PCDH11X: variants seen among roughly 807,000 people sequenced by gnomAD.
PCDH11X encodes protocadherin-11 X-linked.
Under a neutral mutation model 53.3 loss-of-function variants are expected in PCDH11X, and 18 were observed. The observed-to-expected ratio is 0.34, with a 90% CI of 0.23 to 0.50. The LOEUF is 0.50. Among genes scored for constraint, PCDH11X ranks in the 20% least tolerant of loss-of-function variants. The pLI is 0.98. For missense variants in PCDH11X, 570 were observed against 1,032.4 expected (o/e 0.55, Z 6.14); for synonymous variants, 279 against 393.3 (o/e 0.71, Z 3.44).
chrX:91,886,990 AAG>A, intron 6 of PCDH11X, among the ~76,000 whole-genome samples: 2 of 104,281 alleles, frequency 1.9e-5, no homozygotes, highest in African/African-American at 7.2e-5. Context: ...AAAAAAAGAA[AAG>A]AAAAGAAAAG....
chrX:92,350,696 G>A (rs12849015), intron 8 of PCDH11X, among the ~76,000 whole-genome samples: 19 of 111,440 alleles, frequency 1.7e-4, no homozygotes, highest in African/African-American at 4.9e-4. Context: ...AGTTCTTGGA[G>A]CAAAAGTCCA....
At chrX:91,789,060 G>T (rs1303540439) in intron 1 of PCDH11X, among the ~76,000 whole-genome samples, 1 of 107,267 alleles carries the variant, frequency 9.3e-6, no homozygotes, top group African/African-American at 3.4e-5. Flanking sequence ...AAATTAGCTG[G>T]GCGTCTTGCT....
chrX:92,464,639 T>C (rs1440789561), intron 9 of PCDH11X, among the ~76,000 whole-genome samples: 1 of 111,003 alleles, frequency 9.0e-6, no homozygotes, highest in Non-Finnish European at 1.9e-5. Flanking sequence ...TTACACACAA[T>C]TTGAATAGAA....
At position 91,974,578 on chromosome X, in the gene PCDH11X, C is replaced by T. The variant is rs761676588; in HGVS notation, c.3033+95305C>T. Among the ~76,000 whole-genome samples the T allele has an allele frequency of 7.3e-3, 795 of 109,617 alleles. 9 individuals are homozygous for T. Among genetic ancestry groups the T allele is most frequent in the African/African-American group, 0.025 (767 of 30,166 alleles). On this transcript the variant is annotated intron_variant, in intron 6 of 10. Coordinates refer to ENST00000682573, the MANE Select transcript of PCDH11X (RefSeq NM_032968.5). ...CGTAAGGTGTTCAGTGTGGCTAAAG[C>T]AACTTGAACTAGGGGGCAGTGATAG...
intron 7 of PCDH11X, among the ~76,000 whole-genome samples, chrX:92,237,776 C>T (rs952317230): frequency 9.0e-6 from 1 of 111,214 alleles, no homozygotes; most frequent in Non-Finnish European, 1.9e-5. Context: ...GGTTTCTGCA[C>T]CCATATTTAA....
At chrX:92,183,520 C>T (rs773033659) in intron 6 of PCDH11X, among the ~76,000 whole-genome samples, 26 of 111,822 alleles carry the variant, frequency 2.3e-4, no homozygotes, top group Non-Finnish European at 3.8e-4. Flanking sequence ...GCCTCCCAGG[C>T]GTGAGCCACC....
chrX:92,383,558 G>A (rs1260465289), intron 8 of PCDH11X, among the ~76,000 whole-genome samples: 1 of 110,569 alleles, frequency 9.0e-6, no homozygotes, highest in Non-Finnish European at 1.9e-5. Flanking sequence ...TCCCACTTAA[G>A]AGTGACAACA....
intron 6 of PCDH11X, among the ~76,000 whole-genome samples, chrX:92,067,600 A>G (rs189768925): frequency 9.0e-6 from 1 of 111,208 alleles, no homozygotes; most frequent in Non-Finnish European, 1.9e-5. Context: ...CAGGAGAGAT[A>G]TTGGCCTGTA....
At chrX:92,341,853 A>G (rs1440325371) in intron 8 of PCDH11X, among the ~76,000 whole-genome samples, 1 of 112,242 alleles carries the variant, frequency 8.9e-6, no homozygotes, top group Non-Finnish European at 1.9e-5. Flanking sequence ...GAATTAAACT[A>G]AAGAGATTCT....
At chrX:92,148,648 T>G (rs1211930149) in intron 6 of PCDH11X, among the ~76,000 whole-genome samples, 1 of 109,730 alleles carries the variant, frequency 9.1e-6, no homozygotes, top group Non-Finnish European at 1.9e-5. Context: ...TTATTTTGTT[T>G]AAAATACTTG....
intron 6 of PCDH11X, among the ~76,000 whole-genome samples, chrX:92,005,575 T>C (rs1474849970): frequency 1.8e-5 from 2 of 112,110 alleles, no homozygotes; most frequent in African/African-American, 3.2e-5. Flanking sequence ...GAAAAGTTGT[T>C]GTAGTTATTA....
chrX:91,975,918 G>A (rs1489091728), intron 6 of PCDH11X, among the ~76,000 whole-genome samples: 1 of 110,984 alleles, frequency 9.0e-6, no homozygotes, highest in Non-Finnish European at 1.9e-5. Flanking sequence ...GACAGAGATG[G>A]GCTTTGAGAG....
intron 5 of PCDH11X, among the ~76,000 whole-genome samples, chrX:91,860,939 T>C: frequency 8.9e-6 from 1 of 111,771 alleles, no homozygotes; most frequent in Middle Eastern, 4.6e-3. Flanking sequence ...TTATTTTTAT[T>C]TTTTTGGTTG....
At chrX:92,581,700 G>T (rs1457487901) in intron 10 of PCDH11X, among the ~76,000 whole-genome samples, 1 of 112,084 alleles carries the variant, frequency 8.9e-6, no homozygotes, top group Non-Finnish European at 1.9e-5. Flanking sequence ...CGTGGGACAT[G>T]ACTTTGGTAT....
intron 8 of PCDH11X, among the ~76,000 whole-genome samples, chrX:92,294,307 G>C (rs1157586993): frequency 2.7e-5 from 3 of 109,903 alleles, no homozygotes; most frequent in East Asian, 5.9e-4. Context: ...ACGCCCAGCT[G>C]AAGTTTTGGA....
chrX:92,160,870 G>A (rs2065630735), intron 6 of PCDH11X, among the ~76,000 whole-genome samples: 1 of 110,054 alleles, frequency 9.1e-6, no homozygotes, highest in African/African-American at 3.3e-5. Context: ...GGCCATTCTT[G>A]CGGGAGTAAG....
chrX:91,846,414 G>A (rs1007869119), intron 5 of PCDH11X, among the ~76,000 whole-genome samples: 3 of 110,059 alleles, frequency 2.7e-5, no homozygotes, highest in African/African-American at 9.9e-5. Flanking sequence ...TCAGGAGATT[G>A]AGACCATCCT....
At chrX:92,564,347 CACTTCA>C (rs1921203521) in intron 10 of PCDH11X, among the ~76,000 whole-genome samples, 1 of 103,678 alleles carries the variant, frequency 9.6e-6, no homozygotes, top group Non-Finnish European at 2.0e-5. Context: ...ATGGAGGAAT[CACTTCA>C]CCTTGCTTCA....
chrX:92,314,198 T>C (rs2069021984), intron 8 of PCDH11X, among the ~76,000 whole-genome samples: 1 of 112,340 alleles, frequency 8.9e-6, no homozygotes, highest in Non-Finnish European at 1.9e-5. Flanking sequence ...ATTCTCATTC[T>C]ATAGACTTTT....
Sources: gnomAD v4.1 joint callset for allele counts (sites outside exome capture counted in the v4.1 genomes callset) on GRCh38, gnomAD v4.1.1 for gene constraint, MANE v1.5 for transcripts, NCBI Gene and HGNC (gene_info 2026-07-23, HGNC 2026-07-21) for gene names.